ARMC8: variants seen among roughly 807,000 people sequenced by gnomAD.
The protein encoded by ARMC8 is armadillo repeat-containing protein 8.
ARMC8 carries 20 observed loss-of-function variants against 99.3 expected under a neutral mutation model. The ratio of observed to expected loss-of-function variants is 0.20; its 90% CI spans 0.14 to 0.29. ARMC8 has a LOEUF of 0.29. Among genes scored for constraint, ARMC8 ranks in the 10% least tolerant of loss-of-function variants. ARMC8 has a pLI of 1.00. For synonymous variants in ARMC8, 263 were observed against 278.3 expected, an observed-to-expected ratio of 0.95 and a Z score of 0.55; for missense variants, 569 against 809.5, an observed-to-expected ratio of 0.70 and a Z score of 3.60.
At chr3:138,205,717 C>T (rs544992237) in intron 1 of ARMC8, among the ~76,000 whole-genome samples, 36 of 152,226 alleles carry the variant, frequency 2.4e-4, no homozygotes, top group Admixed American at 1.4e-3. Context: ...GTGGGAGGAT[C>T]GCTTGAGGTC....
chr3:138,286,178 A>G (rs570054432), intron 19 of ARMC8, among the ~76,000 whole-genome samples: 1 of 152,236 alleles, frequency 6.6e-6, no homozygotes, highest in East Asian at 1.9e-4. Context: ...CCTGATCTCA[A>G]ATGATCCACC....
intron 1 of ARMC8, chr3:138,188,565 A>G (rs2043204952): frequency 6.2e-7 from 1 of 1,613,824 alleles, no homozygotes; most frequent in African/African-American, 1.3e-5. Flanking sequence ...CTATTGTTGG[A>G]AACAAGCAGG....
chr3:138,202,060 G>A lies in ARMC8; in HGVS notation c.46-7757G>A, dbSNP rs530910780. 1.4e-4 allele frequency among the ~76,000 whole-genome samples: 22 copies of A among 152,110 alleles called. No individual in the cohort carries two copies. The East Asian group carries it at 3.9e-3, about 27-fold the overall frequency. ...TACAATTTGAATTTCATTTAAAATCGAACTTTTGTAGAGTTCAAACTTCCT... is the reference window on the plus strand; with the variant it reads ...TACAATTTGAATTTCATTTAAAATCAAACTTTTGTAGAGTTCAAACTTCCT... On this transcript the variant is annotated intron_variant, in intron 1 of 21. Coordinates refer to ENST00000469044, the MANE Select transcript of ARMC8 (RefSeq NM_001363941.2).
At position 138,296,008 on chromosome 3, in the gene ARMC8, T is replaced by G; in HGVS notation, c.*116T>G. 8.8e-7 allele frequency: 1 copy of G among 1,142,572 alleles called. No homozygotes were observed. Among genetic ancestry groups the G allele is most frequent in the Non-Finnish European group, 1.2e-6 (1 of 816,204 alleles). The allele number at this position is 1,142,572 out of a possible 1,614,324, so 70.8% of individuals were successfully genotyped here. A position where few individuals can be genotyped will look rare whatever the true frequency, so the allele number is the denominator to read the frequency against. ...AGTCACCTTGGACTGCAGGGAGCTG[T>G]TTTGCAAAAGCAGTTTAGTAGGCTT... On this transcript the variant is annotated 3_prime_UTR_variant, in exon 22 of 22. Coordinates refer to ENST00000469044, the MANE Select transcript of ARMC8 (RefSeq NM_001363941.2).
intron 6 of ARMC8, 155 bp downstream of exon 6, chr3:138,229,165 T>TAC (rs1559957844): frequency 5.1e-5 from 4 of 78,688 alleles, no homozygotes; most frequent in African/African-American, 1.8e-4. Flanking sequence ...TATATATATA[T>TAC]ATATATATAT....
chr3:138,218,447 C>T (rs549350127), intron 2 of ARMC8, among the ~76,000 whole-genome samples: 9 of 152,258 alleles, frequency 5.9e-5, no homozygotes, highest in African/African-American at 1.9e-4. Context: ...TTTTTCAGTT[C>T]AGGCTCCTTG....
chr3:138,214,011 GC>G (rs1323021667), intron 2 of ARMC8, among the ~76,000 whole-genome samples: 3 of 151,972 alleles, frequency 2.0e-5, no homozygotes, highest in Non-Finnish European at 4.4e-5. Context: ...AATTAGCCAG[GC>G]GTGGTGGTAC....
chr3:138,254,783 A>G lies in ARMC8; in HGVS notation c.1135-8956A>G, dbSNP rs781648638. On this transcript the variant is annotated intron_variant, in intron 12 of 21. Coordinates refer to ENST00000469044, the MANE Select transcript of ARMC8 (RefSeq NM_001363941.2). Reference sequence around the variant, plus strand: ...AAACTCCCACTTTTCCACAAAGTGTAGAGAAGTTTAGAACTTTCTTCTAAT... The same window carrying G: ...AAACTCCCACTTTTCCACAAAGTGTGGAGAAGTTTAGAACTTTCTTCTAAT... Among the ~76,000 whole-genome samples, 11 of 152,356 alleles carry G rather than the reference A, an allele frequency of 7.2e-5. No individual in the cohort carries two copies. In the Middle Eastern group the frequency reaches 0.01, roughly 141 times the overall value.
intron 1 of ARMC8, among the ~76,000 whole-genome samples, chr3:138,189,228 A>G (rs1339380319): frequency 6.6e-6 from 1 of 151,704 alleles, no homozygotes; most frequent in Non-Finnish European, 1.5e-5. Context: ...AGTATTTTCT[A>G]TTAATACTTC....
intron 12 of ARMC8, 133 bp downstream of exon 12, chr3:138,245,316 A>G: frequency 3.9e-6 from 6 of 1,553,930 alleles, no homozygotes; most frequent in Non-Finnish European, 5.2e-6. Context: ...TAAAGGCATA[A>G]TTGAAGAATG....
At position 138,209,801 on chromosome 3, in the gene ARMC8, T is replaced by C. The variant is rs781753477; in HGVS notation, c.46-16T>C. 6 of 1,611,804 alleles carry C rather than the reference T, an allele frequency of 3.7e-6. No individual in the cohort carries two copies. The highest frequency in any genetic ancestry group is 2.2e-5 in the East Asian group (1 of 44,804). ...GCATGGCTTCAGATGTCATAATTTT[T>C]CCCCCCACTTTCTAGGAAGTAACAG... On this transcript the variant is annotated splice_polypyrimidine_tract_variant and intron_variant, in intron 1 of 21. Coordinates refer to ENST00000469044, the MANE Select transcript of ARMC8 (RefSeq NM_001363941.2).
At chr3:138,192,217 T>TA (rs1201196544) in intron 1 of ARMC8, among the ~76,000 whole-genome samples, 1 of 152,094 alleles carries the variant, frequency 6.6e-6, no homozygotes, top group Non-Finnish European at 1.5e-5. Flanking sequence ...ATCATGGTCT[T>TA]AATTTGCATT....
rs200908758 is a variant in ARMC8, at chr3:138,209,877, G to A, written c.106G>A (p.Val36Ile). ...GCTATTTGACCCTGATCCCCAGAAA[G>A]TTCTACAAGGTGTCATGTAAGTAGT... ...DRLFDPDPQK[V>I]LQGVIDMKNA... The change falls in exon 2 of 22, where the codon GTT becomes ATT. Residue 36 changes from valine to isoleucine, a missense_variant. By Grantham distance (29) the Val-to-Ile change is conservative (BLOSUM62 3). This residue lies in a region of ARMC8 where 342 missense variants were observed against 391.6 expected (regional missense o/e 0.87). Coordinates refer to ENST00000469044, the MANE Select transcript of ARMC8 (RefSeq NM_001363941.2). 4 of 1,613,662 alleles carry A rather than the reference G, an allele frequency of 2.5e-6. No individual in the cohort carries two copies. The highest frequency in any genetic ancestry group is 3.3e-4 in the Middle Eastern group (2 of 6,058).
intron 2 of ARMC8, among the ~76,000 whole-genome samples, chr3:138,215,056 G>T (rs1307599269): frequency 2.0e-5 from 3 of 152,088 alleles, no homozygotes; most frequent in Admixed American, 6.6e-5. Flanking sequence ...TATTCTGAGA[G>T]AATTTGGTCA....
intron 19 of ARMC8, among the ~76,000 whole-genome samples, chr3:138,288,786 C>T (rs759318762): frequency 6.6e-6 from 1 of 151,972 alleles, no homozygotes; most frequent in Non-Finnish European, 1.5e-5. Flanking sequence ...TACAGGCGCC[C>T]GCCACTACAC....
At chr3:138,271,699 A>G (rs2048803899) in intron 16 of ARMC8, among the ~76,000 whole-genome samples, 2 of 152,138 alleles carry the variant, frequency 1.3e-5, no homozygotes, top group African/African-American at 4.8e-5. Context: ...ATTATTATGT[A>G]ACTTGATGGC....
At chr3:138,220,470 A>G (rs2045331525) in intron 2 of ARMC8, among the ~76,000 whole-genome samples, 1 of 152,230 alleles carries the variant, frequency 6.6e-6, no homozygotes, top group South Asian at 2.1e-4. Context: ...AAGAAAGACC[A>G]GGCATTCTCA....
In ARMC8 at chr3:138,272,073, G is replaced by T. The variant is rs142030035; in HGVS notation, c.1480-894G>T. ...TTGGGATTAAGCTGGGTTAACCCAT[G>T]ATACAAATTAGAGAAAAAGGAGCAA... On this transcript the variant is annotated intron_variant, in intron 16 of 21. Coordinates refer to ENST00000469044, the MANE Select transcript of ARMC8 (RefSeq NM_001363941.2). Among the ~76,000 whole-genome samples the T allele has an allele frequency of 7.1e-4, 108 of 152,298 alleles. No homozygotes were observed. In the East Asian group the frequency reaches 0.019, roughly 27 times the overall value.
At chr3:138,276,951 A>G (rs1027707343) in intron 18 of ARMC8, among the ~76,000 whole-genome samples, 2 of 152,234 alleles carry the variant, frequency 1.3e-5, no homozygotes, top group Non-Finnish European at 2.9e-5. Context: ...CAAAGGAACT[A>G]AAAAGCCAAA....
Sources: allele counts gnomAD v4.1 joint callset (sites outside exome capture counted in the v4.1 genomes callset), GRCh38; gene constraint gnomAD v4.1.1; regional missense constraint gnomAD v4.1.1; transcripts MANE v1.5; gene names NCBI Gene and HGNC (gene_info 2026-07-23, HGNC 2026-07-21).